Variants in TAF4 observed in about 807,000 individuals in gnomAD.
TAF4 encodes the protein TATA-box binding protein associated factor 4.
In TAF4, 9 loss-of-function variants were observed where a neutral mutation model predicts 90.3. The ratio of observed to expected loss-of-function variants is 0.10; its 90% CI spans 0.06 to 0.17. The LOEUF is 0.17. Among genes scored for constraint, TAF4 ranks in the 10% least tolerant of loss-of-function variants. The probability of loss-of-function intolerance (pLI) is 1.00; values close to 1 mark genes in which losing one functional copy is unlikely to be tolerated. For synonymous variants in TAF4, 818 were observed against 638.9 expected (o/e 1.28, Z -4.23); for missense variants, 1,351 against 1,370.7 (o/e 0.99, Z 0.23).
chr20:62,012,603 A>AG, intron 3 of TAF4: 1 of 601,752 alleles, frequency 1.7e-6, no homozygotes, highest in Admixed American at 3.9e-5. Flanking sequence ...TGTGTGACTA[A>AG]AAAAAAGAAA....
At position 62,065,092 on chromosome 20, in the gene TAF4, G is replaced by C. The variant is rs1169256911; in HGVS notation, c.719C>G (p.Thr240Arg). ...CGCGGCGGCGCCCACGAAGGGGGGC[G>C]TCTGGATGACAGTGCCGGGGGCGGC... The part of the protein sequence containing the change: ...KPAAPGTVIQ[T>R]PPFVGAAAPP... The change falls in exon 1 of 15, where the codon ACG (threonine) becomes AGG (arginine). Residue 240 changes from threonine (T) to arginine (R), a missense_variant. Around this residue, in one of 9 missense-constraint regions of TAF4, gnomAD observed 782 missense variants for 536.6 expected, o/e 1.46. Coordinates refer to ENST00000252996, the MANE Select transcript of TAF4 (RefSeq NM_003185.4). The C allele has an allele frequency of 3.0e-6, 3 of 1,015,692 alleles. No individual in the cohort carries two copies. The African/African-American group carries it at 5.5e-5, about 19-fold the overall frequency. The allele number at this position is 1,015,692 out of a possible 1,614,324, so 62.9% of individuals were successfully genotyped here. A position where few individuals can be genotyped will look rare whatever the true frequency, so the allele number is the denominator to read the frequency against.
intron 14 of TAF4, among the ~76,000 whole-genome samples, chr20:61,986,477 C>A (rs180882623): frequency 3.3e-5 from 5 of 149,430 alleles, no homozygotes; most frequent in African/African-American, 9.8e-5. Flanking sequence ...AAAGGAAACA[C>A]CATCCCCAAT....
At chr20:62,028,863 CCT>C (rs1025702244) in intron 1 of TAF4, among the ~76,000 whole-genome samples, 12 of 152,168 alleles carry the variant, frequency 7.9e-5, no homozygotes, top group African/African-American at 2.4e-4. Context: ...AATACCAACC[CCT>C]GTGTCAGCTA....
intron 1 of TAF4, among the ~76,000 whole-genome samples, chr20:62,022,642 G>C (rs1220616178): frequency 6.6e-6 from 1 of 152,156 alleles, no homozygotes; most frequent in Non-Finnish European, 1.5e-5. Context: ...CTCTAAGCGG[G>C]TGCTGTGCTG....
At chr20:62,038,896 T>C (rs986071204) in intron 1 of TAF4, among the ~76,000 whole-genome samples, 7 of 152,042 alleles carry the variant, frequency 4.6e-5, no homozygotes, top group African/African-American at 1.7e-4. Flanking sequence ...CTACTAAAAA[T>C]ACAAAAATTA....
At chr20:61,977,786 C>T (rs1045892738) in intron 14 of TAF4, among the ~76,000 whole-genome samples, 1 of 152,172 alleles carries the variant, frequency 6.6e-6, no homozygotes, top group Admixed American at 6.5e-5. Context: ...AGAACTCAGG[C>T]GAGGTGAGTG....
At chr20:61,977,513 C>G (rs1372655037) in intron 14 of TAF4, among the ~76,000 whole-genome samples, 1 of 152,226 alleles carries the variant, frequency 6.6e-6, no homozygotes, top group East Asian at 1.9e-4. Flanking sequence ...CCTTCCTCCC[C>G]CCTTCCCCGT....
intron 1 of TAF4, among the ~76,000 whole-genome samples, chr20:62,024,148 A>G (rs1190246714): frequency 6.6e-6 from 1 of 152,170 alleles, no homozygotes; most frequent in Non-Finnish European, 1.5e-5. Context: ...GGCCGTGCAG[A>G]GTCCACAAGC....
intron 14 of TAF4, among the ~76,000 whole-genome samples, chr20:61,993,866 C>T (rs1804435955): frequency 6.6e-6 from 1 of 152,186 alleles, no homozygotes; most frequent in Admixed American, 6.5e-5. Flanking sequence ...GATTCTCCTG[C>T]CTCAGCCTCC....
Position 62,065,583 on chromosome 20 carries a change from G to T in TAF4, c.228C>A (p.Ala76=), listed in dbSNP as rs1600870906. ...SPAGAAGAGP[A]APAEGAPGAA... ...CTCCGGGCGCGCCCTCGGCGGGGGC[G>T]GCCGGCCCTGCGCCCGCGGCTCCGG... Residue 76 remains alanine (A), a synonymous_variant, in exon 1 of 15, where the codon GCC becomes GCA. Coordinates refer to ENST00000252996, the MANE Select transcript of TAF4 (RefSeq NM_003185.4). The T allele has an allele frequency of 1.0e-6, 1 of 980,838 alleles. No individual in the cohort carries two copies. The highest frequency in any genetic ancestry group is 1.2e-6 in the Non-Finnish European group (1 of 829,098). 60.8% of individuals were successfully genotyped at this position (980,838 alleles called of 1,614,324 possible).
Position 62,065,150 on chromosome 20 carries a change from C to T in TAF4, c.661G>A (p.Gly221Arg), listed in dbSNP as rs1416266688. ...GGCAGCGGCAGCAGCGCGGCGGGCCCGTTGTTGACCAGGCTGACAGCAGGT... is the reference window on the plus strand; with the variant it reads ...GGCAGCGGCAGCAGCGCGGCGGGCCTGTTGTTGACCAGGCTGACAGCAGGT... The part of the protein sequence containing the change: ...AAPAVSLVNN[G>R]PAALLPLPKP... Residue 221 changes from glycine (G) to arginine (R), a missense_variant, in exon 1 of 15, where the codon GGG (glycine) becomes AGG (arginine). Coordinates refer to ENST00000252996, the MANE Select transcript of TAF4 (RefSeq NM_003185.4). 2.5e-6 allele frequency: 3 copies of T among 1,197,408 alleles called. No individual in the cohort carries two copies. The highest frequency in any genetic ancestry group is 3.2e-6 in the Non-Finnish European group (3 of 942,008). 74.2% of individuals were successfully genotyped at this position (1,197,408 alleles called of 1,614,324 possible). A position where few individuals can be genotyped will look rare whatever the true frequency, so the allele number is the denominator to read the frequency against.
At chr20:62,059,215 G>A (rs1160793276) in intron 1 of TAF4, among the ~76,000 whole-genome samples, 1 of 152,256 alleles carries the variant, frequency 6.6e-6, no homozygotes, top group Non-Finnish European at 1.5e-5. Flanking sequence ...GCCTGGAGAA[G>A]AGCCTGGGAC....
intron 9 of TAF4, among the ~76,000 whole-genome samples, chr20:62,002,518 C>A (rs886786151): frequency 1.8e-4 from 28 of 152,166 alleles, no homozygotes; most frequent in Non-Finnish European, 3.2e-4. Context: ...AGAAACAGGG[C>A]CTCACTCTGT....
chr20:62,011,897 C>T (rs894592721), intron 3 of TAF4, among the ~76,000 whole-genome samples: 1 of 152,232 alleles, frequency 6.6e-6, no homozygotes, highest in African/African-American at 2.4e-5. Flanking sequence ...AACCCCTGAA[C>T]CATTTTTCTC....
At chr20:62,049,529 C>T (rs1021426447) in intron 1 of TAF4, among the ~76,000 whole-genome samples, 2 of 152,156 alleles carry the variant, frequency 1.3e-5, no homozygotes, top group African/African-American at 4.8e-5. Flanking sequence ...TCCCCACTGC[C>T]TGCAGAGGAA....
At chr20:61,981,397 C>G (rs2055540288) in intron 14 of TAF4, 1 of 152,196 alleles carries the variant, frequency 6.6e-6, no homozygotes, top group East Asian at 1.9e-4. Context: ...TGAAAATCAT[C>G]ACCTCAAATC....
In TAF4 at chr20:62,050,026, C is replaced by T. The variant is rs572061279; in HGVS notation, c.1360+14425G>A. On this transcript the variant is annotated intron_variant, in intron 1 of 14. Transcript: ENST00000252996. ...GGGAGTCAGCCTCACCCGCTCACCC[C>T]ATCTTCACCCAACGCCTACTGTCAC... Among the ~76,000 whole-genome samples the T allele has an allele frequency of 3.9e-5, 6 of 152,318 alleles. No individual in the cohort carries two copies. In the South Asian group the frequency reaches 1.2e-3, roughly 32 times the overall value.
chr20:62,004,628 C>T (rs1264038933), intron 7 of TAF4: 2 of 152,210 alleles, frequency 1.3e-5, no homozygotes, highest in Non-Finnish European at 2.9e-5. Flanking sequence ...AACCCAGCTC[C>T]CTTTCTGAAT....
intron 14 of TAF4, among the ~76,000 whole-genome samples, chr20:61,978,519 G>A (rs1189130954): frequency 6.7e-6 from 1 of 149,592 alleles, no homozygotes. Context: ...AAGGGAGGGC[G>A]CGAGACCAAC....
Sources: gnomAD v4.1 joint callset for allele counts (sites outside exome capture counted in the v4.1 genomes callset) on GRCh38, gnomAD v4.1.1 for gene constraint, gnomAD v4.1.1 regional missense constraint, MANE v1.5 for transcripts, NCBI Gene and HGNC (gene_info 2026-07-23, HGNC 2026-07-21) for gene names.